CHD8: variants seen among roughly 807,000 people sequenced by gnomAD.
CHD8 encodes ATP-dependent chromatin remodeler CHD8.
Under a neutral mutation model 279.2 loss-of-function variants are expected in CHD8, and 31 were observed. The ratio of observed to expected loss-of-function variants is 0.11; its 90% confidence interval spans 0.08 to 0.15. CHD8 has a LOEUF of 0.15. CHD8 is among the 10% of genes least tolerant of loss of function. The pLI is 1.00. For missense variants in CHD8, 2,146 were observed against 3,230.5 expected (o/e 0.66, Z 8.14); for synonymous variants, 1,081 against 1,139.6 (o/e 0.95, Z 1.04).
At chr14:21,443,143 G>A (rs983800872) in intron 1 of CHD8, among the ~76,000 whole-genome samples, 1 of 152,198 alleles carries the variant, frequency 6.6e-6, no homozygotes, top group African/African-American at 2.4e-5. Context: ...TGTAATCCCA[G>A]CACTTTGGGA....
chr14:21,391,109 C>G (rs892752990), intron 36 of CHD8, 46 bp from the exon 37 acceptor site: 86 of 1,179,880 alleles, frequency 7.3e-5, no homozygotes, highest in Non-Finnish European at 1.0e-4. Context: ...GAAATCTTCT[C>G]TGGAGTAATT....
chr14:21,391,375 G>T, intron 36 of CHD8, 88 bp downstream of exon 36: 3 of 1,242,862 alleles, frequency 2.4e-6, no homozygotes, highest in South Asian at 2.9e-5. Flanking sequence ...CAGAAACGAT[G>T]ATACAGTATG....
In CHD8 at chr14:21,405,909, G is replaced by C. The variant is rs7155123; in HGVS notation, c.2908-45C>G. The stretch of plus-strand genomic sequence containing the variant: ...AAGAATAAAATTTAAAAACATGAAG[G>C]ACTTCTGGGGTTTCCTATCAAGTAT... On this transcript the variant is annotated intron_variant, in intron 14 of 37. Transcript: ENST00000646647. The surrounding 1 kb of genome is among the most constrained non-coding windows in gnomAD (Gnocchi z 4.2). The C allele has an allele frequency of 0.89, 1,369,280 of 1,541,878 alleles. 611,600 individuals are homozygous for C. Among genetic ancestry groups the C allele is most frequent in the Non-Finnish European group, 0.91 (1,028,730 of 1,131,120 alleles).
chr14:21,388,687 G>A (rs551866571), intron 37 of CHD8, among the ~76,000 whole-genome samples: 1 of 152,056 alleles, frequency 6.6e-6, no homozygotes, highest in African/African-American at 2.4e-5. Flanking sequence ...TCCCACTGGG[G>A]TCCCCAGGCT....
At chr14:21,395,569 A>G (rs1265585028) in intron 28 of CHD8, 1 of 590,674 alleles carries the variant, frequency 1.7e-6, no homozygotes, top group African/African-American at 1.9e-5. Flanking sequence ...ACTCAAAGAT[A>G]ATAGAAGTCA....
chr14:21,423,727 C>T (rs1303043078), intron 5 of CHD8, among the ~76,000 whole-genome samples: 1 of 152,160 alleles, frequency 6.6e-6, no homozygotes, highest in East Asian at 1.9e-4. Context: ...GGGACACATT[C>T]ATCCACAGCA....
In CHD8 at chr14:21,442,950, T is replaced by G. The variant is rs531170435; in HGVS notation, c.-215-11092A>C. Among the ~76,000 whole-genome samples, 9 of 152,318 alleles carry G rather than the reference T, an allele frequency of 5.9e-5. No homozygotes were observed. The East Asian group carries it at 1.7e-3, about 29-fold the overall frequency. ...GAGAACCTATATCCATTCTGAAGAA[T>G]GTAGCTGCAATTCACCTCTAATTAA... On this transcript the variant is annotated intron_variant, in intron 1 of 37. Transcript: ENST00000646647.
chr14:21,428,894 T>C (rs1327960338), intron 3 of CHD8, 70 bp downstream of exon 3: 1 of 1,456,636 alleles, frequency 6.9e-7, no homozygotes, highest in Non-Finnish European at 9.4e-7. Context: ...AATAAGTGGT[T>C]GCTGAGGGCA....
At chr14:21,423,986 G>A (rs769752260) in intron 5 of CHD8, among the ~76,000 whole-genome samples, 3 of 152,202 alleles carry the variant, frequency 2.0e-5, no homozygotes, top group Non-Finnish European at 4.4e-5. Context: ...CAACCACTAT[G>A]CTGTTCATGG....
In CHD8 at chr14:21,403,359, G is replaced by C; in HGVS notation, c.3518+94C>G. ...GAGAATCTTAAAAACTTCTCTTATT[G>C]CAATTGGTGAACTCTAATTAAATCC... On this transcript the variant is annotated intron_variant, in intron 17 of 37. Transcript: ENST00000646647. The surrounding 1 kb of genome is among the most constrained non-coding windows in gnomAD (Gnocchi z 4.3). 7.9e-7 allele frequency: 1 copy of C among 1,270,776 alleles called. No individual in the cohort carries two copies. The highest frequency in any genetic ancestry group is 1.4e-5 in the South Asian group (1 of 73,908). 78.7% of individuals were successfully genotyped at this position (1,270,776 alleles called of 1,614,324 possible).
chr14:21,410,347 G>A (rs1376014394), intron 10 of CHD8, among the ~76,000 whole-genome samples: 1 of 152,056 alleles, frequency 6.6e-6, no homozygotes, highest in Non-Finnish European at 1.5e-5. Context: ...TATTCTCCTG[G>A]AGCCAAATTT....
intron 7 of CHD8, 161 bp downstream of exon 7, chr14:21,415,413 T>C (rs1263061784): frequency 5.4e-6 from 2 of 367,366 alleles, no homozygotes; most frequent in Non-Finnish European, 4.6e-6. Context: ...GGCAGAAGAA[T>C]AGCTCAAGCC....
At chr14:21,420,721 G>T (rs1289733097) in intron 5 of CHD8, among the ~76,000 whole-genome samples, 1 of 152,028 alleles carries the variant, frequency 6.6e-6, no homozygotes, top group Non-Finnish European at 1.5e-5. Context: ...GGGTATACAA[G>T]AAATTGGTAA....
chr14:21,432,757 C>T (rs940627020), intron 1 of CHD8, among the ~76,000 whole-genome samples: 14 of 152,196 alleles, frequency 9.2e-5, no homozygotes, highest in African/African-American at 3.4e-4. Context: ...GAACCTCTGA[C>T]GCTTTAACAA....
chr14:21,444,705 A>T (rs76397780), intron 1 of CHD8, among the ~76,000 whole-genome samples: 4,555 of 149,100 alleles, frequency 0.031, 71 homozygotes, highest in East Asian at 0.038. Flanking sequence ...CCACTTTTTT[A>T]AAAAAAAAAA....
In CHD8 at chr14:21,402,934, A is replaced by G. The variant is rs941924852; in HGVS notation, c.3714+83T>C. 8 of 1,186,636 alleles carry G rather than the reference A, an allele frequency of 6.7e-6. No individual in the cohort carries two copies. The East Asian group carries it at 1.9e-4, about 29-fold the overall frequency. 73.5% of individuals were successfully genotyped at this position (1,186,636 alleles called of 1,614,324 possible). A position where few individuals can be genotyped will look rare whatever the true frequency, so the allele number is the denominator to read the frequency against. On this transcript the variant is annotated intron_variant, in intron 18 of 37. Transcript: ENST00000646647. This position sits in a 1 kb window ranked among gnomAD's most constrained non-coding sequence, Gnocchi z 4.5. Reference sequence around the variant, plus strand: ...TAAGGAAACAATTCCAAACTCTGTGAAAGGTCTTTCTAAAAGATCCTATTC... The same window carrying G: ...TAAGGAAACAATTCCAAACTCTGTGGAAGGTCTTTCTAAAAGATCCTATTC...
intron 1 of CHD8, among the ~76,000 whole-genome samples, chr14:21,442,964 A>G (rs1890021048): frequency 6.6e-6 from 1 of 152,244 alleles, no homozygotes. Flanking sequence ...GCTGCAATTC[A>G]CCTCTAATTA....
At position 21,403,739 on chromosome 14, in the gene CHD8, C is replaced by G; in HGVS notation, c.3308-76G>C. On this transcript the variant is annotated intron_variant, in intron 16 of 37. Transcript: ENST00000646647. The surrounding 1 kb of genome is among the most constrained non-coding windows in gnomAD (Gnocchi z 4.3). ...GTTGTAGTCTATTTAACTAAGAAAG[C>G]AAAAGGAAAAAAATGTAATTTGACT... The G allele has an allele frequency of 1.6e-6, 2 of 1,223,608 alleles. No individual in the cohort carries two copies. Among genetic ancestry groups the G allele is most frequent in the Non-Finnish European group, 2.3e-6 (2 of 865,240 alleles). The allele number at this position is 1,223,608 out of a possible 1,614,324, so 75.8% of individuals were successfully genotyped here.
rs778063976 is a variant in CHD8 at position 21,393,298 on chromosome 14, T to G, written c.6320-44A>C. The G allele has an allele frequency of 5.6e-6, 9 of 1,610,564 alleles. No homozygotes were observed. The Admixed American group carries it at 1.5e-4, about 27-fold the overall frequency. Reference sequence around the variant, plus strand: ...GAATGTGTGAGAAAAGATGGAAGAATAATGTCATATGGTAATGGTATTATA... The same window carrying G: ...GAATGTGTGAGAAAAGATGGAAGAAGAATGTCATATGGTAATGGTATTATA... On this transcript the variant is annotated intron_variant, in intron 32 of 37. Coordinates refer to ENST00000646647, the MANE Select transcript of CHD8 (RefSeq NM_001170629.2).
Sources: gnomAD v4.1 joint callset for allele counts (sites outside exome capture counted in the v4.1 genomes callset) on GRCh38, gnomAD v4.1.1 for gene constraint, Gnocchi (gnomAD v3.1) non-coding constraint, MANE v1.5 for transcripts, NCBI Gene and HGNC (gene_info 2026-07-23, HGNC 2026-07-21) for gene names.